The following LDLRAD3 variants were observed in gnomAD, a reference collection of about 807,000 sequenced individuals.
LDLRAD3 encodes the protein low density lipoprotein receptor class A domain containing 3, also known as low-density lipoprotein receptor class A domain-containing protein 3.
In LDLRAD3, 20 loss-of-function variants were observed where a neutral mutation model predicts 29.4. The ratio of observed to expected loss-of-function variants is 0.68; its 90% CI spans 0.48 to 0.99. The LOEUF is 0.99. Ranked by LOEUF, LDLRAD3 falls within the 50% of genes least tolerant of loss-of-function variation. The pLI is 0.00. For synonymous variants in LDLRAD3, 157 were observed against 192.7 expected (o/e 0.81, Z 1.53); for missense variants, 420 against 454.3 (o/e 0.92, Z 0.69).
chr11:36,086,768 G>A (rs1425332975), intron 3 of LDLRAD3, among the ~76,000 whole-genome samples: 3 of 152,160 alleles, frequency 2.0e-5, no homozygotes, highest in Non-Finnish European at 2.9e-5. Context: ...TCTCCATTTG[G>A]CCTGCTCCAA....
At position 36,005,882 on chromosome 11, in the gene LDLRAD3, A is replaced by C. The variant is rs146780197; in HGVS notation, c.47-30221A>C. Among the ~76,000 whole-genome samples, 20 of 152,230 alleles carry C rather than the reference A, an allele frequency of 1.3e-4. No homozygotes were observed. The East Asian group carries it at 3.9e-3, about 29-fold the overall frequency. ...AGGAGAGAGAGAGCGCGAAGGGGGA[A>C]GTGCCACACATGTTTAAAGCATCAG... On this transcript the variant is annotated intron_variant, in intron 1 of 5. Transcript: ENST00000315571.
chr11:36,183,963 C>CT (rs547281058), intron 4 of LDLRAD3: 12,367 of 220,702 alleles, frequency 0.056, 19 homozygotes, highest in South Asian at 0.12. Flanking sequence ...TATATTTCAT[C>CT]TTTTTTTTTT....
intron 4 of LDLRAD3, among the ~76,000 whole-genome samples, chr11:36,224,739 C>T (rs981419442): frequency 1.3e-5 from 2 of 152,116 alleles, no homozygotes; most frequent in Non-Finnish European, 2.9e-5. Context: ...AGGGGAAGGT[C>T]CTCATTTGTC....
At chr11:36,065,419 G>T (rs1304948386) in intron 2 of LDLRAD3, among the ~76,000 whole-genome samples, 1 of 152,126 alleles carries the variant, frequency 6.6e-6, no homozygotes, top group Non-Finnish European at 1.5e-5. Context: ...TTTTGGATAA[G>T]TTAGAAGCTG....
intron 1 of LDLRAD3, among the ~76,000 whole-genome samples, chr11:35,981,532 C>T (rs570175917): frequency 5.9e-5 from 9 of 152,238 alleles, no homozygotes; most frequent in South Asian, 2.1e-4. Flanking sequence ...CTGGTGCACA[C>T]GCTGATGAAA....
At chr11:36,075,612 A>G (rs1198604448) in intron 2 of LDLRAD3, among the ~76,000 whole-genome samples, 1 of 152,132 alleles carries the variant, frequency 6.6e-6, no homozygotes. Flanking sequence ...TTTAGCATCC[A>G]TTGCCAGATC....
chr11:36,206,441 G>A (rs1392961813), intron 4 of LDLRAD3, among the ~76,000 whole-genome samples: 1 of 152,222 alleles, frequency 6.6e-6, no homozygotes, highest in Non-Finnish European at 1.5e-5. Context: ...TACAACGTGG[G>A]AGAGAGTAAG....
In LDLRAD3 at chr11:35,944,349, G is replaced by A. The variant is rs1851028545; in HGVS notation, c.46+205G>A. On this transcript the variant is annotated intron_variant, in intron 1 of 5. Transcript: ENST00000315571. This position sits in a 1 kb window ranked among gnomAD's most constrained non-coding sequence, Gnocchi z 4.9. ...GTGCGAGCCGTCCTATTGTGTGGGC[G>A]TGCGCGCCGGGTCGTGTTGTGCTGT... 6.6e-6 allele frequency among the ~76,000 whole-genome samples: 1 copy of A among 151,926 alleles called. No homozygotes were observed. Among genetic ancestry groups the A allele is most frequent in the South Asian group, 2.1e-4 (1 of 4,828 alleles).
In LDLRAD3 at chr11:36,149,910, G is replaced by A. The variant is rs998071052; in HGVS notation, c.454+51449G>A. Reference sequence around the variant, plus strand: ...CTCATGACTCATGACTCATGAATGTGGCTGAATTGAGGGCTAAAGCCCTGG... The same window carrying A: ...CTCATGACTCATGACTCATGAATGTAGCTGAATTGAGGGCTAAAGCCCTGG... On this transcript the variant is annotated intron_variant, in intron 4 of 5. Transcript: ENST00000315571. Among the ~76,000 whole-genome samples the A allele has an allele frequency of 2.0e-5, 3 of 152,124 alleles. No homozygotes were observed. The East Asian group carries it at 5.8e-4, about 29-fold the overall frequency.
At chr11:35,993,661 CAAA>C (rs59468652) in intron 1 of LDLRAD3, among the ~76,000 whole-genome samples, 4 of 61,668 alleles carry the variant, frequency 6.5e-5, no homozygotes, top group Non-Finnish European at 8.6e-5. Flanking sequence ...GCCAGAGATA[CAAA>C]AAAAAAAAAA....
At chr11:36,019,060 G>C (rs866336078) in intron 1 of LDLRAD3, among the ~76,000 whole-genome samples, 1 of 152,132 alleles carries the variant, frequency 6.6e-6, no homozygotes, top group Non-Finnish European at 1.5e-5. Flanking sequence ...GGCATTGAAG[G>C]CTTTGGTTTT....
intron 4 of LDLRAD3, among the ~76,000 whole-genome samples, chr11:36,183,349 G>A (rs1184549018): frequency 2.6e-5 from 4 of 152,126 alleles, no homozygotes; most frequent in African/African-American, 9.7e-5. Context: ...TTTTTGCTTT[G>A]GAAAGTTAGA....
intron 2 of LDLRAD3, among the ~76,000 whole-genome samples, chr11:36,070,067 A>C (rs1418429770): frequency 6.6e-6 from 1 of 152,210 alleles, no homozygotes; most frequent in East Asian, 1.9e-4. Context: ...TTTGCATTAC[A>C]TGCAGAGGCT....
intron 4 of LDLRAD3, among the ~76,000 whole-genome samples, chr11:36,099,073 G>A (rs1184131076): frequency 6.6e-6 from 1 of 151,982 alleles, no homozygotes; most frequent in Non-Finnish European, 1.5e-5. Context: ...CTCTGATTAT[G>A]AGCAGAGTTC....
At chr11:35,968,490 CT>C in intron 1 of LDLRAD3, 3 of 363,900 alleles carry the variant, frequency 8.2e-6, no homozygotes, top group Non-Finnish European at 5.5e-6. Flanking sequence ...TCTTCTTTTT[CT>C]TTTTCCCGAG....
chr11:36,175,886 T>C (rs1854668914), intron 4 of LDLRAD3, among the ~76,000 whole-genome samples: 1 of 152,212 alleles, frequency 6.6e-6, no homozygotes, highest in African/African-American at 2.4e-5. Context: ...TTGACTTGTC[T>C]AGTGCTATCA....
intron 1 of LDLRAD3, among the ~76,000 whole-genome samples, chr11:36,002,929 T>C (rs531891686): frequency 6.6e-6 from 1 of 152,362 alleles, no homozygotes; most frequent in African/African-American, 2.4e-5. Context: ...GTGCCCATTT[T>C]ATCCCTTAGC....
chr11:36,037,495 A>C (rs754850182), intron 2 of LDLRAD3, among the ~76,000 whole-genome samples: 1 of 152,072 alleles, frequency 6.6e-6, no homozygotes, highest in Non-Finnish European at 1.5e-5. Flanking sequence ...TTGTATTTTT[A>C]TTAGAGACGG....
chr11:36,008,197 C>A (rs758675373), intron 1 of LDLRAD3, among the ~76,000 whole-genome samples: 1 of 152,144 alleles, frequency 6.6e-6, no homozygotes, highest in Non-Finnish European at 1.5e-5. Context: ...GTAAAGAACA[C>A]TTGGGGACGC....
Sources: gnomAD v4.1 joint callset for allele counts (sites outside exome capture counted in the v4.1 genomes callset) on GRCh38, gnomAD v4.1.1 for gene constraint, Gnocchi (gnomAD v3.1) non-coding constraint, MANE v1.5 for transcripts, NCBI Gene and HGNC (gene_info 2026-07-23, HGNC 2026-07-21) for gene names.